The following MYCBPAP variants were observed in gnomAD, a reference collection of about 807,000 sequenced individuals.
MYCBPAP encodes MYCBP-associated protein.
A neutral mutation model predicts 106.1 loss-of-function variants in MYCBPAP; 60 were observed. The observed-to-expected ratio is 0.57, with a 90% CI of 0.46 to 0.70. The LOEUF (loss-of-function observed/expected upper bound fraction) is 0.70, where lower values mean the gene tolerates loss of function less well. MYCBPAP is among the 30% of genes least tolerant of loss of function. The pLI is 0.00. For missense variants in MYCBPAP, 1,064 were observed against 1,169.3 expected, an observed-to-expected ratio of 0.91 and a Z score of 1.31; for synonymous variants, 407 against 440.6, an observed-to-expected ratio of 0.92 and a Z score of 0.95.
intron 1 of MYCBPAP, among the ~76,000 whole-genome samples, chr17:50,513,109 T>C (rs1229697288): frequency 1.3e-5 from 2 of 150,280 alleles, no homozygotes; most frequent in Admixed American, 6.7e-5. Context: ...TCCCAACTAC[T>C]TGGGAGGCTG....
chr17:50,522,260 G>C (rs1213504972), intron 10 of MYCBPAP, 179 bp downstream of exon 10: 1 of 531,466 alleles, frequency 1.9e-6, no homozygotes, highest in East Asian at 3.2e-5. Context: ...AAATCACAAG[G>C]CTGCGAGTGT....
At chr17:50,510,584 G>T (rs2033811753) in intron 1 of MYCBPAP, among the ~76,000 whole-genome samples, 2 of 144,222 alleles carry the variant, frequency 1.4e-5, no homozygotes, top group Admixed American at 1.4e-4. Context: ...GGAGTGCCGT[G>T]GTACAGTCAT....
chr17:50,525,769 G>T, intron 13 of MYCBPAP, 112 bp from the exon 14 acceptor site: 1 of 1,327,004 alleles, frequency 7.5e-7, no homozygotes. Context: ...GGGATTGCAG[G>T]CTTGAGCCAC....
chr17:50,525,322 T>C (rs548459995), intron 13 of MYCBPAP, among the ~76,000 whole-genome samples: 14 of 152,214 alleles, frequency 9.2e-5, no homozygotes, highest in Admixed American at 6.5e-4. Context: ...CGTGGAAAAA[T>C]TGTCTTCCAC....
At chr17:50,524,766 C>T in intron 12 of MYCBPAP, 111 bp from the exon 13 acceptor site, 1 of 848,652 alleles carries the variant, frequency 1.2e-6, no homozygotes. Context: ...GAGACAATGG[C>T]AGGAACTCAG....
chr17:50,528,968 G>A, intron 17 of MYCBPAP, 50 bp from the exon 18 acceptor site: 3 of 1,601,580 alleles, frequency 1.9e-6, no homozygotes, highest in Non-Finnish European at 2.6e-6. Context: ...GACATCCTTG[G>A]CCTACCTCTG....
rs1365903166 is a variant in MYCBPAP, at chr17:50,521,369, T to C, written c.1086T>C (p.Thr362=). 1 of 1,606,408 alleles carries C rather than the reference T, an allele frequency of 6.2e-7. No individual in the cohort carries two copies. Among genetic ancestry groups the C allele is most frequent in the Non-Finnish European group, 8.5e-7 (1 of 1,176,088 alleles). Residue 362 remains threonine, a synonymous_variant, in exon 9 of 19, where the codon ACT becomes ACC. Coordinates refer to ENST00000323776, the MANE Select transcript of MYCBPAP (RefSeq NM_032133.6). The stretch of plus-strand genomic sequence containing the variant: ...AAGGGTGGCCCTTCTCGGCTGTTAC[T>C]GTGGAAGACTACACAGTGTTTGAAA... The part of the protein sequence containing the change: ...VGKGWPFSAV[T]VEDYTVFERS...
At chr17:50,508,807 GA>G in intron 1 of MYCBPAP, 57 bp downstream of exon 1, 1 of 1,488,380 alleles carries the variant, frequency 6.7e-7, no homozygotes, top group Non-Finnish European at 9.3e-7. Flanking sequence ...GCGGTCCCCG[GA>G]AAGAGTTCAG....
chr17:50,509,963 A>C (rs2033768367), intron 1 of MYCBPAP: 1 of 152,062 alleles, frequency 6.6e-6, no homozygotes, highest in Admixed American at 6.6e-5. Flanking sequence ...AAAAAAGGAG[A>C]GGTTTGCTTC....
chr17:50,520,117 T>G (rs911044152), intron 7 of MYCBPAP: 1 of 243,680 alleles, frequency 4.1e-6, no homozygotes, highest in Non-Finnish European at 7.9e-6. Context: ...GACACTGGCT[T>G]TAGTGTGAAA....
Position 50,528,714 on chromosome 17 carries a change from C to A in MYCBPAP, c.2427C>A (p.Ile809=). ...PEEQDQKSPP[I]MEVKVPVGKA... ...CCTTAGATCAAAAATCACCTCCTAT[C>A]ATGGAAGTGAAGGTACCTGTGGGGA... Residue 809 remains isoleucine, a synonymous_variant, in exon 17 of 19, where the codon ATC becomes ATA. Coordinates refer to ENST00000323776, the MANE Select transcript of MYCBPAP (RefSeq NM_032133.6). The A allele has an allele frequency of 6.2e-7, 1 of 1,613,920 alleles. No homozygotes were observed. Among genetic ancestry groups the A allele is most frequent in the South Asian group, 1.1e-5 (1 of 91,028 alleles).
At chr17:50,519,508 G>A in intron 6 of MYCBPAP, 132 bp from the exon 7 acceptor site, 1 of 1,077,702 alleles carries the variant, frequency 9.3e-7, no homozygotes, top group Non-Finnish European at 1.3e-6. Context: ...CTTCTGTTAT[G>A]CAATCACGGC....
chr17:50,508,824 G>T, intron 1 of MYCBPAP, 74 bp downstream of exon 1: 2 of 1,303,698 alleles, frequency 1.5e-6, no homozygotes, highest in African/African-American at 1.5e-5. Flanking sequence ...TTCAGGACAC[G>T]GGGCCTGGAG....
intron 18 of MYCBPAP, chr17:50,530,369 C>T (rs1484785649): frequency 8.6e-6 from 2 of 233,358 alleles, no homozygotes; most frequent in Admixed American, 5.3e-5. Context: ...GTGACACTCA[C>T]CTGTAGTCCC....
chr17:50,525,893 C>T lies in MYCBPAP; in HGVS notation c.1795C>T (p.His599Tyr). ...RHRNPPLHYEHQVVQSLHQLW... is the reference protein window; with the variant it reads ...RHRNPPLHYEYQVVQSLHQLW... ...TCCTCTGCTGCAGCTGCATTATGAG[C>T]ACCAAGTGGTGCAAAGCCTGCACCA... The change falls in exon 14 of 19, where the codon CAC (histidine) becomes TAC (tyrosine). Residue 599 changes from histidine (H) to tyrosine (Y), a missense_variant. Transcript: ENST00000323776. The T allele has an allele frequency of 1.9e-6, 3 of 1,606,598 alleles. No individual in the cohort carries two copies. Among genetic ancestry groups the T allele is most frequent in the Non-Finnish European group, 2.5e-6 (3 of 1,177,688 alleles).
At chr17:50,510,499 G>GTGTGTGTGTATATATA (rs1418345705) in intron 1 of MYCBPAP, 37 of 76,404 alleles carry the variant, frequency 4.8e-4, no homozygotes, top group African/African-American at 1.6e-3. Flanking sequence ...GTGTGTGTGT[G>GTGTGTGTGTATATATA]TATATATATA....
rs745403601 is a variant in MYCBPAP at position 50,528,746 on chromosome 17, G to A, written c.2459G>A (p.Gly820Glu). The A allele has an allele frequency of 3.7e-6, 6 of 1,614,010 alleles. No homozygotes were observed. The highest frequency in any genetic ancestry group is 1.6e-4 in the Middle Eastern group (1 of 6,084). ...MEVKVPVGKA[G>E]KEERKGAAQE... The stretch of plus-strand genomic sequence containing the variant: ...GTGAAGGTACCTGTGGGGAAAGCTG[G>A]GAAGGAGGAGCGGAAAGGAGCAGCC... Residue 820 changes from glycine (G) to glutamate (E), a missense_variant, in exon 17 of 19, where the codon GGG becomes GAG. Gly to Glu is a moderately conservative substitution (Grantham distance 98). Transcript: ENST00000323776.
chr17:50,519,676 T>C lies in MYCBPAP; in HGVS notation c.805T>C (p.Tyr269His), dbSNP rs2034185204. The C allele has an allele frequency of 1.2e-6, 2 of 1,614,084 alleles. No homozygotes were observed. The highest frequency in any genetic ancestry group is 1.1e-5 in the South Asian group (1 of 91,074). ...CAGTGGGTTCTGGAGTCGACTGGAATACTTGGGAGATGAGATGACAGGTCT... is the reference window on the plus strand; with the variant it reads ...CAGTGGGTTCTGGAGTCGACTGGAACACTTGGGAGATGAGATGACAGGTCT... ...ENSGFWSRLE[Y>H]LGDEMTGLVM... The change falls in exon 7 of 19, where the codon TAC (tyrosine) becomes CAC (histidine). Residue 269 changes from tyrosine (Y) to histidine (H), a missense_variant. Physicochemically the swap from Tyr to His is moderately conservative, Grantham distance 83 (BLOSUM62 2). Coordinates refer to ENST00000323776, the MANE Select transcript of MYCBPAP (RefSeq NM_032133.6).
Position 50,519,109 on chromosome 17 carries a change from G to GT in MYCBPAP, c.768+21dup, listed in dbSNP as rs747672087. 4 of 1,581,232 alleles carry GT rather than the reference G, an allele frequency of 2.5e-6. No homozygotes were observed. In the East Asian group the frequency reaches 9.0e-5, roughly 36 times the overall value. ...AGGAAAGTGAGGCCACCTGTCCTAA[G>GT]TGCCCGGGGGCAGGGGGGTCCATGG... On this transcript the variant is annotated intron_variant, in intron 6 of 18. Transcript: ENST00000323776.
Sources: gnomAD v4.1 joint callset for allele counts (sites outside exome capture counted in the v4.1 genomes callset) on GRCh38, gnomAD v4.1.1 for gene constraint, MANE v1.5 for transcripts, NCBI Gene and HGNC (gene_info 2026-07-23, HGNC 2026-07-21) for gene names.